The following ZNF106 variants were observed in gnomAD, a reference collection of about 807,000 sequenced individuals.
ZNF106 encodes the protein zinc finger protein 106, also known as SH3-domain binding protein 3.
Under a neutral mutation model 195.1 loss-of-function variants are expected in ZNF106, and 67 were observed. The observed-to-expected ratio is 0.34, with a 90% confidence interval of 0.28 to 0.42. The LOEUF is 0.42. Ranked by LOEUF, ZNF106 falls within the 10% of genes least tolerant of loss-of-function variation. The probability of loss-of-function intolerance (pLI) is 1.00; values close to 1 mark genes in which losing one functional copy is unlikely to be tolerated. For synonymous variants in ZNF106, 784 were observed against 818.6 expected (o/e 0.96, Z 0.72); for missense variants, 2,118 against 2,304.5 (o/e 0.92, Z 1.66).
rs1172574815 is a variant in ZNF106 at position 42,466,124 on chromosome 15, AAAAG to A, written c.55-14_55-11del. On this transcript the variant is annotated splice_polypyrimidine_tract_variant and intron_variant, in intron 2 of 21. Transcript: ENST00000564754. ...TGTGTTCGTCCATCTCCTTCAAAATAAAAGAAAGTAGATTAAAACTAAGCAGGAT... is the reference window on the plus strand; with the variant it reads ...TGTGTTCGTCCATCTCCTTCAAAATAAAAGTAGATTAAAACTAAGCAGGAT... 5 of 1,529,064 alleles carry A rather than the reference AAAAG, an allele frequency of 3.3e-6. No individual in the cohort carries two copies. The highest frequency in any genetic ancestry group is 4.4e-6 in the Non-Finnish European group (5 of 1,144,140). 94.7% of individuals were successfully genotyped at this position (1,529,064 alleles called of 1,614,324 possible).
At chr15:42,441,173 TAAA>T (rs752991984) in intron 10 of ZNF106, among the ~76,000 whole-genome samples, 3 of 114,766 alleles carry the variant, frequency 2.6e-5, no homozygotes, top group Non-Finnish European at 3.7e-5. Flanking sequence ...CATCTCTACT[TAAA>T]AAAAAAAAAA....
chr15:42,462,529 C>T (rs2141394045), intron 3 of ZNF106, among the ~76,000 whole-genome samples: 1 of 150,950 alleles, frequency 6.6e-6, no homozygotes, highest in East Asian at 2.0e-4. Flanking sequence ...ACCAGGGAGG[C>T]AGAGGTTGCA....
In ZNF106 at chr15:42,415,353, C is replaced by G; in HGVS notation, c.*1951G>C. ...GCCAGGCTGGTCTCAAATGCCTGACCTTGAGTGATCCACCCGCCTCGGCCT... is the reference window on the plus strand; with the variant it reads ...GCCAGGCTGGTCTCAAATGCCTGACGTTGAGTGATCCACCCGCCTCGGCCT... On this transcript the variant is annotated 3_prime_UTR_variant, in exon 22 of 22. Coordinates refer to ENST00000564754, the MANE Select transcript of ZNF106 (RefSeq NM_001366845.3). 3 of 442,960 alleles carry G rather than the reference C, an allele frequency of 6.8e-6. No individual in the cohort carries two copies. The highest frequency in any genetic ancestry group is 4.8e-5 in the South Asian group (3 of 62,016). The allele number at this position is 442,960 out of a possible 1,614,324, so 27.4% of individuals were successfully genotyped here.
At chr15:42,483,975 T>C (rs1286401456) in intron 1 of ZNF106, among the ~76,000 whole-genome samples, 1 of 152,226 alleles carries the variant, frequency 6.6e-6, no homozygotes, top group Non-Finnish European at 1.5e-5. Flanking sequence ...CTATCTCTTC[T>C]TTATAACACT....
At chr15:42,465,940 G>A (rs569615698) in intron 3 of ZNF106, 113 bp downstream of exon 3, 54 of 789,066 alleles carry the variant, frequency 6.8e-5, no homozygotes, top group Non-Finnish European at 1.0e-4. Flanking sequence ...GTTGTTCTAC[G>A]CCATAAGACA....
chr15:42,460,471 G>T (rs1362548619), intron 3 of ZNF106, among the ~76,000 whole-genome samples: 4 of 152,188 alleles, frequency 2.6e-5, no homozygotes, highest in African/African-American at 9.7e-5. Flanking sequence ...AAACCATTTT[G>T]CAATCCTAGT....
intron 10 of ZNF106, 172 bp downstream of exon 10, chr15:42,441,901 C>G: frequency 2.1e-6 from 1 of 475,206 alleles, no homozygotes; most frequent in East Asian, 3.2e-5. Flanking sequence ...AAATTACATT[C>G]TCTAAAATAT....
chr15:42,479,507 AGTT>A lies in ZNF106; in HGVS notation c.-32-7189_-32-7187del, dbSNP rs563695359. Reference sequence around the variant, plus strand: ...CTTGGGGAAAAAAAGTATATTCTGCAGTTGTTGTGTGGAAATCATTTATATTGA... The same window carrying A: ...CTTGGGGAAAAAAAGTATATTCTGCAGTTGTGTGGAAATCATTTATATTGA... On this transcript the variant is annotated intron_variant, in intron 1 of 21. Coordinates refer to ENST00000564754, the MANE Select transcript of ZNF106 (RefSeq NM_001366845.3). 1.9e-4 allele frequency among the ~76,000 whole-genome samples: 29 copies of A among 152,242 alleles called. No homozygotes were observed. The South Asian group carries it at 5.8e-3, about 30-fold the overall frequency.
At chr15:42,479,359 A>G (rs1030232347) in intron 1 of ZNF106, among the ~76,000 whole-genome samples, 3 of 151,806 alleles carry the variant, frequency 2.0e-5, no homozygotes, top group Non-Finnish European at 4.4e-5. Context: ...AGCCTACAAG[A>G]TCGAAACTGT....
chr15:42,465,782 TGA>T (rs1265019598), intron 3 of ZNF106, among the ~76,000 whole-genome samples: 3 of 152,210 alleles, frequency 2.0e-5, no homozygotes, highest in Non-Finnish European at 4.4e-5. Flanking sequence ...AGCTTACTAA[TGA>T]GAGAGTTAGC....
chr15:42,469,217 A>G (rs943847947), intron 2 of ZNF106, among the ~76,000 whole-genome samples: 18 of 152,078 alleles, frequency 1.2e-4, no homozygotes, highest in Admixed American at 7.9e-4. Flanking sequence ...CTGTTATTCA[A>G]TGCTTCCTGT....
Position 42,446,592 on chromosome 15 carries a change from T to C in ZNF106, c.3202A>G (p.Lys1068Glu). 1 of 1,593,528 alleles carries C rather than the reference T, an allele frequency of 6.3e-7. No individual in the cohort carries two copies. Among genetic ancestry groups the C allele is most frequent in the Admixed American group, 1.7e-5 (1 of 58,120 alleles). Reference protein sequence around the residue: ...KNKRRKIKGKKERSQVDQLLN... With the variant: ...KNKRRKIKGKEERSQVDQLLN... ...TCCAAAATATTCTGCACCATACCTTTTTTTCCTTTAATTTTCCTTCTTTTA... is the reference window on the plus strand; with the variant it reads ...TCCAAAATATTCTGCACCATACCTTCTTTTCCTTTAATTTTCCTTCTTTTA... The change falls in exon 7 of 22, where the codon AAA (lysine) becomes GAA (glutamate). Residue 1068 changes from lysine to glutamate, a missense_variant. By Grantham distance (56) the Lys-to-Glu change is moderately conservative. Coordinates refer to ENST00000564754, the MANE Select transcript of ZNF106 (RefSeq NM_001366845.3).
intron 3 of ZNF106, among the ~76,000 whole-genome samples, chr15:42,465,676 C>A (rs2056499322): frequency 6.6e-6 from 1 of 152,192 alleles, no homozygotes; most frequent in Non-Finnish European, 1.5e-5. Context: ...ACAATTCCAG[C>A]AATACTAAAC....
At chr15:42,444,734 T>C (rs1257417413) in intron 8 of ZNF106, 93 bp downstream of exon 8, 5 of 1,517,978 alleles carry the variant, frequency 3.3e-6, no homozygotes, top group Middle Eastern at 1.8e-4. Context: ...TCCCCTGCCA[T>C]TGCTTTTGGG....
chr15:42,427,993 A>G lies in ZNF106; in HGVS notation c.4998+25T>C, dbSNP rs745777718. ...ACTGTTTTCAAGTGCATGGGAAGTA[A>G]GCCTTTTCTCCTCCAACCACTAACC... On this transcript the variant is annotated intron_variant, in intron 15 of 21. Transcript: ENST00000564754. 2.5e-6 allele frequency: 4 copies of G among 1,588,116 alleles called. No individual in the cohort carries two copies. In the South Asian group the frequency reaches 3.3e-5, roughly 13 times the overall value.
At chr15:42,421,209 G>T in intron 19 of ZNF106, 77 bp from the exon 20 acceptor site, 1 of 1,295,394 alleles carries the variant, frequency 7.7e-7, no homozygotes. Context: ...AGAGTCACAA[G>T]CTCCTTGCAG....
At position 42,417,227 on chromosome 15, in the gene ZNF106, G is replaced by GA. The variant is rs538154793; in HGVS notation, c.*76dup. 83 of 1,509,374 alleles carry GA rather than the reference G, an allele frequency of 5.5e-5. No homozygotes were observed. In the African/African-American group the frequency reaches 1.0e-3, roughly 19 times the overall value. The allele number at this position is 1,509,374 out of a possible 1,614,324, so 93.5% of individuals were successfully genotyped here. On this transcript the variant is annotated 3_prime_UTR_variant, in exon 22 of 22. Transcript: ENST00000564754. Reference sequence around the variant, plus strand: ...TCCTTCCTTACTTCACCAAGAAAGGGAAGAGAGTGGCCTGTGTGGGGGGCC... The same window carrying GA: ...TCCTTCCTTACTTCACCAAGAAAGGGAAAGAGAGTGGCCTGTGTGGGGGGCC...
At chr15:42,458,724 A>G (rs1019113080) in intron 3 of ZNF106, among the ~76,000 whole-genome samples, 7 of 151,832 alleles carry the variant, frequency 4.6e-5, no homozygotes, top group African/African-American at 1.4e-4. Flanking sequence ...ACAAAAGAAA[A>G]AAAAAAACAA....
chr15:42,449,709 G>C, intron 5 of ZNF106, 62 bp downstream of exon 5: 1 of 1,533,200 alleles, frequency 6.5e-7, no homozygotes, highest in Non-Finnish European at 8.8e-7. Flanking sequence ...CTCTTGATCA[G>C]GGTCAAAGGG....
Sources: allele counts gnomAD v4.1 joint callset (sites outside exome capture counted in the v4.1 genomes callset), GRCh38; gene constraint gnomAD v4.1.1; transcripts MANE v1.5; gene names NCBI Gene and HGNC (gene_info 2026-07-23, HGNC 2026-07-21).